DNAH8: variants seen among roughly 807,000 people sequenced by gnomAD.
The protein encoded by DNAH8 is axonemal beta dynein heavy chain 8.
In DNAH8, 382 loss-of-function variants were observed where a neutral mutation model predicts 562.1. That is an observed-to-expected ratio of 0.68 (90% CI 0.63 to 0.74). The LOEUF is 0.74. Among genes scored for constraint, DNAH8 ranks in the 30% least tolerant of loss-of-function variants. The pLI, the probability that DNAH8 is intolerant of heterozygous loss-of-function variation, is 0.00. For synonymous variants in DNAH8, 1,881 were observed against 1,919.4 expected (o/e 0.98, Z 0.52); for missense variants, 5,203 against 5,620.4 (o/e 0.93, Z 2.37).
At chr6:38,797,025 A>G (rs939328097) in intron 21 of DNAH8, among the ~76,000 whole-genome samples, 1 of 152,254 alleles carries the variant, frequency 6.6e-6, no homozygotes, top group African/African-American at 2.4e-5. Context: ...CCAATGGAAT[A>G]GAAAATCAAG....
chr6:38,967,037 G>A (rs1007820626), intron 82 of DNAH8, among the ~76,000 whole-genome samples: 26 of 152,110 alleles, frequency 1.7e-4, no homozygotes, highest in Non-Finnish European at 2.5e-4. Flanking sequence ...ATGAATTTTA[G>A]GGGTACATAA....
In DNAH8 at chr6:38,907,984, T is replaced by C. The variant is rs760915990; in HGVS notation, c.9377T>C (p.Met3126Thr). 3.7e-6 allele frequency: 6 copies of C among 1,607,862 alleles called. No individual in the cohort carries two copies. The highest frequency in any genetic ancestry group is 3.4e-6 in the Non-Finnish European group (4 of 1,177,948). The change falls in exon 64 of 93, where the codon ATG becomes ACG. Residue 3126 changes from methionine to threonine, a missense_variant. Transcript: ENST00000327475. ...EISNLFARDE[M>T]DEITQGLISV... Reference sequence around the variant, plus strand: ...TCCAACTTGTTTGCACGAGATGAGATGGATGAAATCACCCAAGGTCTGATT... The same window carrying C: ...TCCAACTTGTTTGCACGAGATGAGACGGATGAAATCACCCAAGGTCTGATT...
At chr6:38,779,522 T>C (rs1380572672) in intron 14 of DNAH8, among the ~76,000 whole-genome samples, 3 of 152,164 alleles carry the variant, frequency 2.0e-5, no homozygotes, top group Non-Finnish European at 4.4e-5. Flanking sequence ...GCTGACAAAG[T>C]TGTTTTTGTG....
rs112770567 is a variant in DNAH8, at chr6:38,923,699, G to T, written c.10791-292G>T. 1,510 of 329,348 alleles carry T rather than the reference G, an allele frequency of 4.6e-3. 15 individuals carry two copies. Among genetic ancestry groups the T allele is most frequent in the Middle Eastern group, 0.019 (22 of 1,178 alleles). The allele number at this position is 329,348 out of a possible 1,614,324, so 20.4% of individuals were successfully genotyped here. A position where few individuals can be genotyped will look rare whatever the true frequency, so the allele number is the denominator to read the frequency against. ...ACACAAGACTGAAATCTGAATAAGA[G>T]CAAGGGACAGGATGGGGGAAGATAC... On this transcript the variant is annotated intron_variant, in intron 72 of 92. Transcript: ENST00000327475.
chr6:38,893,043 T>C (rs1194997697), intron 58 of DNAH8, among the ~76,000 whole-genome samples: 3 of 152,186 alleles, frequency 2.0e-5, no homozygotes, highest in Admixed American at 6.5e-5. Flanking sequence ...TTTACATATA[T>C]ATTTGTTCCC....
chr6:38,728,759 A>C (rs34128177), intron 3 of DNAH8, among the ~76,000 whole-genome samples: 35,462 of 152,156 alleles, frequency 0.23, 4,627 homozygotes, highest in Non-Finnish European at 0.3. Context: ...TTGCATCAGC[A>C]TCACCTGGAA....
intron 16 of DNAH8, among the ~76,000 whole-genome samples, chr6:38,782,192 G>C (rs937934832): frequency 1.3e-5 from 2 of 152,000 alleles, no homozygotes; most frequent in Admixed American, 1.3e-4. Context: ...TTTGTGGTGA[G>C]AGGGCAGAGA....
chr6:38,884,758 CA>C (rs1421560904), intron 56 of DNAH8, among the ~76,000 whole-genome samples: 1 of 152,060 alleles, frequency 6.6e-6, no homozygotes, highest in Non-Finnish European at 1.5e-5. Flanking sequence ...AAAACAAAAA[CA>C]AAAAATGAAA....
chr6:38,747,613 C>T (rs1422042859), intron 8 of DNAH8, among the ~76,000 whole-genome samples: 1 of 152,128 alleles, frequency 6.6e-6, no homozygotes, highest in African/African-American at 2.4e-5. Flanking sequence ...TCTTGAACTC[C>T]TGACCTCGTG....
chr6:38,808,641 G>T (rs373169685), intron 24 of DNAH8, among the ~76,000 whole-genome samples: 6 of 152,094 alleles, frequency 3.9e-5, no homozygotes, highest in Non-Finnish European at 8.8e-5. Flanking sequence ...ATATGCACAC[G>T]TATGTTTACT....
chr6:38,825,058 G>A (rs935611939), intron 28 of DNAH8, among the ~76,000 whole-genome samples: 9 of 152,162 alleles, frequency 5.9e-5, no homozygotes, highest in South Asian at 4.1e-4. Flanking sequence ...GACAGAGTGC[G>A]CTGGGGAGCT....
chr6:38,909,112 C>T (rs550515322), intron 64 of DNAH8, among the ~76,000 whole-genome samples: 6 of 152,222 alleles, frequency 3.9e-5, no homozygotes, highest in South Asian at 2.1e-4. Context: ...ATCCCTCTTC[C>T]GTGTAAAGTT....
chr6:38,824,824 A>G (rs1330652798), intron 28 of DNAH8, among the ~76,000 whole-genome samples: 1 of 152,110 alleles, frequency 6.6e-6, no homozygotes. Flanking sequence ...CTACCAAGGA[A>G]GTACTTGTGA....
chr6:38,975,841 C>T, intron 85 of DNAH8, among the ~76,000 whole-genome samples: 1 of 152,130 alleles, frequency 6.6e-6, no homozygotes, highest in East Asian at 1.9e-4. Flanking sequence ...TGATTGTGTT[C>T]CCAGTAGTGA....
At chr6:38,830,279 A>C (rs1215785937) in intron 30 of DNAH8, among the ~76,000 whole-genome samples, 1 of 152,152 alleles carries the variant, frequency 6.6e-6, no homozygotes, top group Non-Finnish European at 1.5e-5. Flanking sequence ...TGATAGCTAC[A>C]AATTTCTCTA....
chr6:38,871,506 T>C (rs1277650343), intron 49 of DNAH8, among the ~76,000 whole-genome samples: 4 of 152,236 alleles, frequency 2.6e-5, no homozygotes, highest in South Asian at 2.1e-4. Flanking sequence ...CTCTTGAACA[T>C]GTCAGGAACA....
chr6:38,848,598 A>G, intron 36 of DNAH8, 50 bp from the exon 37 acceptor site: 4 of 1,484,714 alleles, frequency 2.7e-6, no homozygotes, highest in Non-Finnish European at 3.7e-6. Context: ...AGGCCATACT[A>G]TTTTCTGAAT....
chr6:38,887,784 A>G (rs1483534402), intron 57 of DNAH8, among the ~76,000 whole-genome samples: 2 of 151,560 alleles, frequency 1.3e-5, no homozygotes, highest in Non-Finnish European at 2.9e-5. Flanking sequence ...ATATAAGAAC[A>G]TTAATTATTT....
At chr6:38,782,337 G>T (rs964185819) in intron 16 of DNAH8, among the ~76,000 whole-genome samples, 2 of 152,002 alleles carry the variant, frequency 1.3e-5, no homozygotes, top group Non-Finnish European at 2.9e-5. Flanking sequence ...CTGGAGTGCA[G>T]TGGCGCAGTC....
Sources: allele counts gnomAD v4.1 joint callset (sites outside exome capture counted in the v4.1 genomes callset), GRCh38; gene constraint gnomAD v4.1.1; transcripts MANE v1.5; gene names NCBI Gene and HGNC (gene_info 2026-07-23, HGNC 2026-07-21).